The following DSCAML1 variants were observed in gnomAD, a reference collection of about 807,000 sequenced individuals.
The protein encoded by DSCAML1 is cell adhesion molecule DSCAML1.
Under a neutral mutation model 200.5 loss-of-function variants are expected in DSCAML1, and 38 were observed. That is an observed-to-expected ratio of 0.19 (90% CI 0.15 to 0.25). DSCAML1 has a LOEUF of 0.25. Ranked by LOEUF, DSCAML1 falls within the 10% of genes least tolerant of loss-of-function variation. The pLI is 1.00. For missense variants in DSCAML1, 2,223 were observed against 2,858.8 expected (o/e 0.78, Z 5.07); for synonymous variants, 1,215 against 1,165.0 (o/e 1.04, Z -0.87).
intron 3 of DSCAML1, among the ~76,000 whole-genome samples, chr11:117,739,024 T>C (rs1167739566): frequency 2.0e-5 from 3 of 152,228 alleles, no homozygotes; most frequent in Non-Finnish European, 2.9e-5. Flanking sequence ...ATGTAGTTTG[T>C]AGGGTTTGAA....
chr11:117,462,392 C>T (rs1010000695), intron 17 of DSCAML1, among the ~76,000 whole-genome samples: 4 of 152,160 alleles, frequency 2.6e-5, no homozygotes, highest in Admixed American at 1.3e-4. Flanking sequence ...CCTCCGAAAC[C>T]CCACGCCCCA....
At chr11:117,592,597 CAT>C (rs1343649786) in intron 3 of DSCAML1, among the ~76,000 whole-genome samples, 1 of 152,190 alleles carries the variant, frequency 6.6e-6, no homozygotes, top group Non-Finnish European at 1.5e-5. Context: ...ACCGATGGTC[CAT>C]AGTCATTGTA....
chr11:117,811,949 A>C (rs2055765040), intron 1 of DSCAML1, among the ~76,000 whole-genome samples: 1 of 151,996 alleles, frequency 6.6e-6, no homozygotes, highest in African/African-American at 2.4e-5. Flanking sequence ...AAACCTCTTA[A>C]AACTCCCCAA....
intron 11 of DSCAML1, among the ~76,000 whole-genome samples, chr11:117,499,607 G>A (rs1030833827): frequency 6.6e-6 from 1 of 152,194 alleles, no homozygotes; most frequent in Non-Finnish European, 1.5e-5. Flanking sequence ...AATCTCTGAC[G>A]TTCTGAGAGG....
intron 3 of DSCAML1, among the ~76,000 whole-genome samples, chr11:117,538,591 A>T (rs576657110): frequency 5.3e-5 from 8 of 152,340 alleles, no homozygotes; most frequent in Admixed American, 1.3e-4. Flanking sequence ...AGCTGACAGC[A>T]TCTTTTCTGT....
intron 3 of DSCAML1, among the ~76,000 whole-genome samples, chr11:117,710,074 T>C (rs1028673197): frequency 6.6e-6 from 1 of 152,180 alleles, no homozygotes; most frequent in African/African-American, 2.4e-5. Context: ...AGATGACTGT[T>C]CTGATGGTCT....
intron 8 of DSCAML1, among the ~76,000 whole-genome samples, chr11:117,509,788 T>C (rs564173115): frequency 6.6e-6 from 1 of 152,300 alleles, no homozygotes; most frequent in Non-Finnish European, 1.5e-5. Context: ...GCCTGGCCAT[T>C]TCCATTTCTG....
At chr11:117,682,741 T>C (rs922018615) in intron 3 of DSCAML1, among the ~76,000 whole-genome samples, 1 of 152,062 alleles carries the variant, frequency 6.6e-6, no homozygotes, top group African/African-American at 2.4e-5. Context: ...ATGTTCCATG[T>C]CCCCAAGTCT....
chr11:117,507,299 C>G (rs1331795473), intron 8 of DSCAML1, among the ~76,000 whole-genome samples: 2 of 152,210 alleles, frequency 1.3e-5, no homozygotes, highest in African/African-American at 4.8e-5. Flanking sequence ...CGCACCCCTC[C>G]CTGGAAGCCT....
intron 3 of DSCAML1, among the ~76,000 whole-genome samples, chr11:117,768,478 G>T (rs2054938736): frequency 6.6e-6 from 1 of 152,108 alleles, no homozygotes; most frequent in African/African-American, 2.4e-5. Context: ...ACCACCTCTA[G>T]CCCAGCACCC....
chr11:117,606,236 C>T (rs1314382816), intron 3 of DSCAML1, among the ~76,000 whole-genome samples: 1 of 152,118 alleles, frequency 6.6e-6, no homozygotes, highest in Admixed American at 6.5e-5. Flanking sequence ...AATATTTTCC[C>T]CCTGAGGACC....
rs548658749 is a variant in DSCAML1, at chr11:117,677,658, T to C, written c.511+99133A>G. Among the ~76,000 whole-genome samples the C allele has an allele frequency of 4.6e-5, 7 of 152,284 alleles. No homozygotes were observed. In the East Asian group the frequency reaches 5.8e-4, roughly 13 times the overall value. ...CTTACCAAGGGGCAAGTAGACATCA[T>C]GCAGGGCAGAAGGGACAATAACCAT... On this transcript the variant is annotated intron_variant, in intron 3 of 32. Coordinates refer to ENST00000651296, the MANE Select transcript of DSCAML1 (RefSeq NM_020693.4).
chr11:117,456,785 G>A (rs1565697694), intron 19 of DSCAML1, among the ~76,000 whole-genome samples: 1 of 150,962 alleles, frequency 6.6e-6, no homozygotes. Context: ...AGCGATTCTC[G>A]TGTTTCAGCC....
intron 7 of DSCAML1, among the ~76,000 whole-genome samples, chr11:117,517,593 G>C (rs2049797917): frequency 6.6e-6 from 1 of 152,188 alleles, no homozygotes; most frequent in African/African-American, 2.4e-5. Context: ...TCTGTCAGGA[G>C]TCCAAGGCTT....
intron 3 of DSCAML1, among the ~76,000 whole-genome samples, chr11:117,664,778 C>T (rs1314894440): frequency 2.6e-5 from 4 of 152,190 alleles, no homozygotes; most frequent in Non-Finnish European, 4.4e-5. Flanking sequence ...TTCTCAGAGC[C>T]TCTAGCTGTC....
In DSCAML1 at chr11:117,431,596, G is replaced by C; in HGVS notation, c.5312C>G (p.Ser1771Cys). The C allele has an allele frequency of 6.2e-7, 1 of 1,612,518 alleles. No individual in the cohort carries two copies. Among genetic ancestry groups the C allele is most frequent in the Non-Finnish European group, 8.5e-7 (1 of 1,179,118 alleles). Residue 1771 changes from serine to cysteine, a missense_variant, in exon 31 of 33, where the codon TCC (serine) becomes TGC (cysteine). Ser to Cys is a moderately radical substitution (Grantham distance 112). This residue lies in a region of DSCAML1 where 614 missense variants were observed against 739.1 expected (regional missense o/e 0.83). Coordinates refer to ENST00000651296, the MANE Select transcript of DSCAML1 (RefSeq NM_020693.4). ...TLTSDWRTVG[S>C]QHGVTVTESD... ...CTCAGTGACCGTGACACCATGCTGGGAGCCCACGGTGCGCCAGTCGGAGGT... is the reference window on the plus strand; with the variant it reads ...CTCAGTGACCGTGACACCATGCTGGCAGCCCACGGTGCGCCAGTCGGAGGT...
intron 3 of DSCAML1, among the ~76,000 whole-genome samples, chr11:117,723,580 C>T (rs1591441714): frequency 6.6e-6 from 1 of 152,220 alleles, no homozygotes; most frequent in Admixed American, 6.5e-5. Context: ...CTGGTGATTG[C>T]CCCTTACTTC....
At chr11:117,594,776 T>G (rs985947878) in intron 3 of DSCAML1, among the ~76,000 whole-genome samples, 1 of 152,162 alleles carries the variant, frequency 6.6e-6, no homozygotes, top group Non-Finnish European at 1.5e-5. Context: ...CCTATGTGGT[T>G]GGAGCCTAAG....
At chr11:117,440,947 A>AAAAAAAG (rs1565681338) in intron 21 of DSCAML1, among the ~76,000 whole-genome samples, 1 of 137,256 alleles carries the variant, frequency 7.3e-6, no homozygotes, top group African/African-American at 2.9e-5. Flanking sequence ...AAAAAAAAAA[A>AAAAAAAG]GGAGTGGTGT....
Sources: gnomAD v4.1 joint callset for allele counts (sites outside exome capture counted in the v4.1 genomes callset) on GRCh38, gnomAD v4.1.1 for gene constraint, gnomAD v4.1.1 regional missense constraint, MANE v1.5 for transcripts, NCBI Gene and HGNC (gene_info 2026-07-23, HGNC 2026-07-21) for gene names.